POFUT3: variants seen among roughly 807,000 people sequenced by gnomAD.
The protein encoded by POFUT3 is GDP-fucose protein O-fucosyltransferase 3.
At chr8:33,326,497 A>C in the POFUT3 span, among the ~76,000 whole-genome samples, 1 of 152,180 alleles carries the variant, frequency 6.6e-6, no homozygotes, top group Non-Finnish European at 1.5e-5. Flanking sequence ...TGTTCAATAC[A>C]GTATTCAGTA....
chr8:33,313,963 A>T, the POFUT3 span, among the ~76,000 whole-genome samples: 7 of 152,156 alleles, frequency 4.6e-5, no homozygotes, highest in African/African-American at 1.7e-4. Context: ...TTAATGAGTT[A>T]GGGCAGTAGC....
chr8:33,378,762 T>C, the POFUT3 span, among the ~76,000 whole-genome samples: 13 of 152,092 alleles, frequency 8.5e-5, no homozygotes, highest in African/African-American at 3.1e-4. Context: ...ACTTTAAACA[T>C]AGGCAATAGC....
chr8:33,365,238 C>A, the POFUT3 span, among the ~76,000 whole-genome samples: 4 of 151,992 alleles, frequency 2.6e-5, no homozygotes, highest in African/African-American at 7.2e-5. Context: ...CCCTTCCTTA[C>A]ACCTTATACA....
At chr8:33,348,697 T>G in the POFUT3 span, among the ~76,000 whole-genome samples, 1 of 152,184 alleles carries the variant, frequency 6.6e-6, no homozygotes, top group African/African-American at 2.4e-5. Flanking sequence ...CAGGAATCAT[T>G]TATGTCCTGA....
the POFUT3 span, among the ~76,000 whole-genome samples, chr8:33,343,949 T>C: frequency 6.6e-6 from 1 of 152,176 alleles, no homozygotes; most frequent in African/African-American, 2.4e-5. Flanking sequence ...CCACACTTCC[T>C]TGTGGGGACC....
chr8:33,409,195 C>T, the POFUT3 span, among the ~76,000 whole-genome samples: 3 of 152,152 alleles, frequency 2.0e-5, no homozygotes, highest in African/African-American at 4.8e-5. Flanking sequence ...CTCTGACTCC[C>T]GGATTCAAGC....
the POFUT3 span, among the ~76,000 whole-genome samples, chr8:33,419,574 C>T: frequency 6.6e-6 from 1 of 152,186 alleles, no homozygotes; most frequent in Non-Finnish European, 1.5e-5. Flanking sequence ...CCTAACAGGC[C>T]ACGGACAGGC....
chr8:33,388,619 G>C, the POFUT3 span, among the ~76,000 whole-genome samples: 199 of 152,216 alleles, frequency 1.3e-3, no homozygotes, highest in African/African-American at 4.6e-3. Context: ...TTACAGGCGT[G>C]AGCCATCATG....
chr8:33,370,341 C>G, the POFUT3 span, among the ~76,000 whole-genome samples: 2 of 151,996 alleles, frequency 1.3e-5, no homozygotes, highest in African/African-American at 4.8e-5. Context: ...GGTGATAGAG[C>G]AAGACTTCTT....
chr8:33,409,231 T>C, the POFUT3 span, among the ~76,000 whole-genome samples: 2 of 152,172 alleles, frequency 1.3e-5, no homozygotes, highest in Non-Finnish European at 2.9e-5. Context: ...GCCTCCCAAG[T>C]AGCTGGGATT....
chr8:33,367,564 T>C, the POFUT3 span, among the ~76,000 whole-genome samples: 2 of 152,212 alleles, frequency 1.3e-5, no homozygotes, highest in Non-Finnish European at 2.9e-5. Flanking sequence ...TGTGTGTGTC[T>C]TTAATTCCTC....
At chr8:33,449,341 G>A in the POFUT3 span, among the ~76,000 whole-genome samples, 6 of 127,574 alleles carry the variant, frequency 4.7e-5, no homozygotes, top group Admixed American at 9.4e-5. Flanking sequence ...CCAGGCTGGA[G>A]TGCAATGACA....
chr8:33,354,506 G>A, the POFUT3 span, among the ~76,000 whole-genome samples: 8 of 152,174 alleles, frequency 5.3e-5, no homozygotes, highest in Non-Finnish European at 1.0e-4. Context: ...AGAATAGAGA[G>A]ATAATTCGCT....
At chr8:33,472,314 T>C in the POFUT3 span, among the ~76,000 whole-genome samples, 1 of 152,130 alleles carries the variant, frequency 6.6e-6, no homozygotes, top group Non-Finnish European at 1.5e-5. Context: ...GGGGCCGTGG[T>C]GTTAGAAAAA....
At chr8:33,327,097 C>G in the POFUT3 span, among the ~76,000 whole-genome samples, 2 of 152,148 alleles carry the variant, frequency 1.3e-5, no homozygotes, top group Non-Finnish European at 2.9e-5. Flanking sequence ...CTTTTGGTCC[C>G]CTTCTCCTAA....
chr8:33,321,620 C>A, the POFUT3 span, among the ~76,000 whole-genome samples: 1 of 152,074 alleles, frequency 6.6e-6, no homozygotes, highest in Non-Finnish European at 1.5e-5. Context: ...AGCCAAGTCA[C>A]TAAGACCAGC....
chr8:33,388,905 G>A, the POFUT3 span: 2 of 1,312,396 alleles, frequency 1.5e-6, no homozygotes, highest in East Asian at 2.3e-5. Flanking sequence ...ATGCAGGAGA[G>A]CAGAGAACAT....
the POFUT3 span, among the ~76,000 whole-genome samples, chr8:33,362,594 CAA>C: frequency 7.5e-6 from 1 of 133,418 alleles, no homozygotes. Flanking sequence ...AAATGGAAAG[CAA>C]AAAAAAAAAC....
At chr8:33,333,415 G>A in the POFUT3 span, among the ~76,000 whole-genome samples, 13 of 152,118 alleles carry the variant, frequency 8.5e-5, no homozygotes, top group African/African-American at 1.7e-4. Flanking sequence ...TAGAGAAATC[G>A]TCTACCAGGG....
Sources: gnomAD v4.1 joint callset for allele counts (sites outside exome capture counted in the v4.1 genomes callset) on GRCh38, gnomAD v4.1.1 for gene constraint, MANE v1.5 for transcripts, NCBI Gene and HGNC (gene_info 2026-07-23, HGNC 2026-07-21) for gene names.